Variants in SNAPC5 observed in about 807,000 individuals in gnomAD.
The protein encoded by SNAPC5 is snRNA-activating protein complex subunit 5.
Under a neutral mutation model 9.1 loss-of-function variants are expected in SNAPC5, and 12 were observed. The ratio of observed to expected loss-of-function variants is 1.32; its 90% CI spans 0.85 to 2.15. The LOEUF (loss-of-function observed/expected upper bound fraction) is 2.15. Among genes scored for constraint, SNAPC5 ranks in the 30% most tolerant of loss-of-function variants. The pLI is 0.00. For synonymous variants in SNAPC5, 52 were observed against 47.3 expected, an observed-to-expected ratio of 1.10 and a Z score of -0.41; for missense variants, 132 against 114.4, an observed-to-expected ratio of 1.15 and a Z score of -0.70.
chr15:66,490,502 G>A (rs558326525), downstream of SNAPC5: 7 of 1,607,340 alleles, frequency 4.4e-6, no homozygotes, highest in East Asian at 1.1e-4. Context: ...TTACATGCAG[G>A]TTCATGCTTT....
At chr15:66,490,923 C>T, downstream of SNAPC5, 5 of 475,514 alleles carry the variant, frequency 1.1e-5, no homozygotes, top group Non-Finnish European at 1.9e-5. Context: ...GTCATTCTTA[C>T]AATTGCACTG....
rs1893491708 is a variant in SNAPC5, at chr15:66,497,718, A to AGCC, written c.11_13dup (p.Arg4dup). On this transcript the variant is annotated inframe_insertion, in exon 1 of 3. Coordinates refer to ENST00000316634, the MANE Select transcript of SNAPC5 (RefSeq NM_001329615.2). ...CTCCTCCTCCTTGCGCAGTTCCTGA[A>AGCC]GCCGGCTCAGCATGTTGCCTGGTCA... 6.2e-7 allele frequency: 1 copy of AGCC among 1,612,938 alleles called. No individual in the cohort carries two copies. The highest frequency in any genetic ancestry group is 8.5e-7 in the Non-Finnish European group (1 of 1,179,858).
intron 1 of SNAPC5, 188 bp downstream of exon 1, chr15:66,497,451 TAAG>T: frequency 1.6e-6 from 1 of 631,186 alleles, no homozygotes; most frequent in Admixed American, 2.6e-5. Flanking sequence ...AGATAGGGCC[TAAG>T]AAGCGCACAG....
chr15:66,490,806 T>C (rs1893232221), downstream of SNAPC5: 2 of 673,514 alleles, frequency 3.0e-6, no homozygotes, highest in Non-Finnish European at 5.5e-6. Flanking sequence ...TTACTATTAT[T>C]GTTCCCCTAA....
At chr15:66,491,672 G>A, downstream of SNAPC5, 3 of 251,334 alleles carry the variant, frequency 1.2e-5, no homozygotes, top group South Asian at 9.0e-5. Context: ...AGGACACCGA[G>A]TTCAGTGCTT....
chr15:66,491,747 C>G (rs1649784612), downstream of SNAPC5: 20 of 356,948 alleles, frequency 5.6e-5, no homozygotes, highest in South Asian at 4.0e-4. Flanking sequence ...CACCCAACAC[C>G]CTTATCTGTG....
At chr15:66,492,601 C>T (rs1893290816), downstream of SNAPC5, among the ~76,000 whole-genome samples, 1 of 152,160 alleles carries the variant, frequency 6.6e-6, no homozygotes, top group Admixed American at 6.5e-5. Context: ...AATGAGAATA[C>T]TACATCCTTA....
At position 66,494,327 on chromosome 15, in the gene SNAPC5, C is replaced by T. The variant is rs562955868; in HGVS notation, c.*109G>A. ...CATCCTCCTTATAGTTCTTGCTTTCCTTTCAAGCAGATCACAGGGCCCAGG... is the reference window on the plus strand; with the variant it reads ...CATCCTCCTTATAGTTCTTGCTTTCTTTTCAAGCAGATCACAGGGCCCAGG... On this transcript the variant is annotated 3_prime_UTR_variant, in exon 3 of 3. Transcript: ENST00000316634. 2 of 754,988 alleles carry T rather than the reference C, an allele frequency of 2.6e-6. No individual in the cohort carries two copies. The highest frequency in any genetic ancestry group is 4.9e-5 in the East Asian group (2 of 40,484). The allele number at this position is 754,988 out of a possible 1,614,324, so 46.8% of individuals were successfully genotyped here.
intron 1 of SNAPC5, among the ~76,000 whole-genome samples, chr15:66,496,323 G>A (rs1418663429): frequency 6.6e-6 from 1 of 152,086 alleles, no homozygotes; most frequent in Admixed American, 6.5e-5. Flanking sequence ...AAATTAGCCC[G>A]GCGTGGTGGC....
At chr15:66,497,512 A>C in intron 1 of SNAPC5, 130 bp downstream of exon 1, 1 of 821,356 alleles carries the variant, frequency 1.2e-6, no homozygotes, top group Non-Finnish European at 2.2e-6. Context: ...AAACCTCTAA[A>C]TTGGCGCCAC....
chr15:66,490,426 T>C (rs747286860), downstream of SNAPC5: 6 of 1,091,278 alleles, frequency 5.5e-6, no homozygotes, highest in South Asian at 7.5e-5. Flanking sequence ...CCTGAAACTC[T>C]TGGATTTTCC....
At chr15:66,496,465 C>CA (rs77738489) in intron 1 of SNAPC5, among the ~76,000 whole-genome samples, 29,537 of 149,934 alleles carry the variant, frequency 0.2, 2,964 homozygotes, top group East Asian at 0.37. Context: ...AACTCTGTCT[C>CA]AAAAAAAAGA....
chr15:66,490,958 T>G (rs372877813), downstream of SNAPC5: 10 of 443,012 alleles, frequency 2.3e-5, no homozygotes, highest in South Asian at 4.5e-5. Context: ...TGACTGGCTG[T>G]CTGCCTGTAT....
intron 1 of SNAPC5, 180 bp downstream of exon 1, chr15:66,497,462 C>A (rs956514488): frequency 3.1e-6 from 2 of 645,210 alleles, no homozygotes; most frequent in East Asian, 2.7e-5. Flanking sequence ...AAGAAGCGCA[C>A]AGCAAACTCC....
At chr15:66,490,439 C>A (rs761629942), downstream of SNAPC5, 14 of 1,203,818 alleles carry the variant, frequency 1.2e-5, no homozygotes, top group Non-Finnish European at 1.5e-5. Context: ...GATTTTCCTT[C>A]CTGGTGGGTT....
chr15:66,492,468 T>C (rs1390562410), downstream of SNAPC5, among the ~76,000 whole-genome samples: 1 of 152,222 alleles, frequency 6.6e-6, no homozygotes, highest in Non-Finnish European at 1.5e-5. Context: ...GTATAGCTTT[T>C]CTAAGTCAAC....
Position 66,494,244 on chromosome 15 carries a change from C to G in SNAPC5, c.*192G>C. The G allele has an allele frequency of 3.2e-6, 2 of 618,362 alleles. No individual in the cohort carries two copies. The highest frequency in any genetic ancestry group is 5.4e-5 in the East Asian group (2 of 37,250). The allele number at this position is 618,362 out of a possible 1,614,324, so 38.3% of individuals were successfully genotyped here. Reference sequence around the variant, plus strand: ...GCTAAGACACAGCATCTTTGATTTTCTGTATGTCATAACATTCTGAAGCTT... The same window carrying G: ...GCTAAGACACAGCATCTTTGATTTTGTGTATGTCATAACATTCTGAAGCTT... On this transcript the variant is annotated 3_prime_UTR_variant, in exon 3 of 3. Transcript: ENST00000316634.
In SNAPC5 at chr15:66,493,663, CAAAACA is replaced by C. The variant is rs1222872172; in HGVS notation, c.*767_*772del. On this transcript the variant is annotated 3_prime_UTR_variant, in exon 3 of 3. Transcript: ENST00000316634. The stretch of plus-strand genomic sequence containing the variant: ...GAGTGAAACTCCGTCTCAAACAAAA[CAAAACA>C]AAAAACAAAACAAAAAATCCAGTCT... 6.6e-6 allele frequency: 1 copy of C among 151,880 alleles called. No homozygotes were observed. Among genetic ancestry groups the C allele is most frequent in the African/African-American group, 2.4e-5 (1 of 41,344 alleles). 9.4% of individuals were successfully genotyped at this position (151,880 alleles called of 1,614,324 possible). A position where few individuals can be genotyped will look rare whatever the true frequency, so the allele number is the denominator to read the frequency against.
rs1893380706 is a variant in SNAPC5, at chr15:66,495,073, GTAAC to G, written c.180+253_180+256del. Reference sequence around the variant, plus strand: ...TCCACTCTCCCCCGGGTTCATCTGAGTAACTAGACAGAATGGATGACGAGGAGGA... The same window carrying G: ...TCCACTCTCCCCCGGGTTCATCTGAGTAGACAGAATGGATGACGAGGAGGA... On this transcript the variant is annotated intron_variant, in intron 2 of 2. Transcript: ENST00000316634. 3 of 497,454 alleles carry G rather than the reference GTAAC, an allele frequency of 6.0e-6. No homozygotes were observed. The East Asian group carries it at 1.0e-4, about 17-fold the overall frequency. 30.8% of individuals were successfully genotyped at this position (497,454 alleles called of 1,614,324 possible).
Sources: allele counts gnomAD v4.1 joint callset (sites outside exome capture counted in the v4.1 genomes callset), GRCh38; gene constraint gnomAD v4.1.1; transcripts MANE v1.5; gene names NCBI Gene and HGNC (gene_info 2026-07-23, HGNC 2026-07-21).